Variants in LRFN5 observed in about 807,000 individuals in gnomAD.
LRFN5 encodes the protein leucine-rich repeat and fibronectin type-III domain-containing protein 5.
Under a neutral mutation model 45.6 loss-of-function variants are expected in LRFN5, and 24 were observed. That is an observed-to-expected ratio of 0.53 (90% CI 0.38 to 0.74). The LOEUF (loss-of-function observed/expected upper bound fraction) is 0.74, where lower values mean the gene tolerates loss of function less well. LRFN5 is among the 30% of genes least tolerant of loss of function. The probability of loss-of-function intolerance (pLI) is 0.00; values close to 1 mark genes in which losing one functional copy is unlikely to be tolerated. For missense variants in LRFN5, 776 were observed against 861.5 expected, an observed-to-expected ratio of 0.90 and a Z score of 1.24; for synonymous variants, 340 against 313.8, an observed-to-expected ratio of 1.08 and a Z score of -0.88.
In LRFN5 at chr14:41,616,460, C is replaced by G. The variant is rs145051480; in HGVS notation, c.-197+7898C>G. 5.3e-3 allele frequency among the ~76,000 whole-genome samples: 800 copies of G among 152,190 alleles called. 7 individuals are homozygous for G. The highest frequency in any genetic ancestry group is 0.019 in the African/African-American group (775 of 41,550). On this transcript the variant is annotated intron_variant, in intron 1 of 5. Coordinates refer to ENST00000298119, the MANE Select transcript of LRFN5 (RefSeq NM_152447.5). The stretch of plus-strand genomic sequence containing the variant: ...GTCCTTAATCAGTCTTGATGACATT[C>G]TCACACCTTTTCCTCTAGATGCCAT...
In LRFN5 at chr14:41,887,081, G is replaced by A. The variant is rs752050689; in HGVS notation, c.456G>A (p.Leu152=). The part of the protein sequence containing the change: ...AFDDVFALEE[L]DLSYNNLETI... ...ATGATGTCTTCGCCCTTGAGGAGCT[G>A]GATCTGTCCTATAATAATCTAGAAA... The change falls in exon 3 of 6, where the codon CTG becomes CTA. Residue 152 remains leucine, a synonymous_variant. Coordinates refer to ENST00000298119, the MANE Select transcript of LRFN5 (RefSeq NM_152447.5). The surrounding 1 kb of genome is among the most constrained non-coding windows in gnomAD (Gnocchi z 4.8). 4.3e-6 allele frequency: 7 copies of A among 1,613,838 alleles called. No individual in the cohort carries two copies. The Admixed American group carries it at 8.3e-5, about 19-fold the overall frequency.
chr14:41,714,580 A>G (rs8016327), intron 1 of LRFN5, among the ~76,000 whole-genome samples: 120,265 of 152,050 alleles, frequency 0.79, 48,283 homozygotes, highest in East Asian at 0.97. Context: ...ATGTGTGGAG[A>G]ACATTGGTAT....
chr14:41,610,475 A>C (rs1379106890), intron 1 of LRFN5, among the ~76,000 whole-genome samples: 1 of 151,616 alleles, frequency 6.6e-6, no homozygotes, highest in Non-Finnish European at 1.5e-5. Flanking sequence ...TAGTTGAAAC[A>C]CCTCTGTAAA....
At chr14:41,641,420 C>T (rs1161567692) in intron 1 of LRFN5, among the ~76,000 whole-genome samples, 4 of 151,958 alleles carry the variant, frequency 2.6e-5, no homozygotes, top group African/African-American at 9.7e-5. Flanking sequence ...GATGGGAAGA[C>T]TAACATTTTG....
intron 1 of LRFN5, among the ~76,000 whole-genome samples, chr14:41,649,792 C>G (rs1217251486): frequency 6.6e-6 from 1 of 152,188 alleles, no homozygotes; most frequent in Non-Finnish European, 1.5e-5. Flanking sequence ...CTGAACTCCA[C>G]ACTGCTCTTT....
chr14:41,821,414 A>G (rs11848269), intron 2 of LRFN5, among the ~76,000 whole-genome samples: 6,422 of 151,918 alleles, frequency 0.042, 452 homozygotes, highest in African/African-American at 0.15. Context: ...GCTTGTTTTT[A>G]ATTATGTTTA....
chr14:41,789,347 G>A (rs1886837545), intron 2 of LRFN5, among the ~76,000 whole-genome samples: 1 of 151,910 alleles, frequency 6.6e-6, no homozygotes, highest in African/African-American at 2.4e-5. Flanking sequence ...TAATATTTTA[G>A]TAGATTAGAT....
At chr14:41,895,745 G>T (rs1362832075) in intron 4 of LRFN5, among the ~76,000 whole-genome samples, 1 of 151,560 alleles carries the variant, frequency 6.6e-6, no homozygotes, top group Non-Finnish European at 1.5e-5. Flanking sequence ...GTCAGTGGGG[G>T]TCTCTGTAAG....
At chr14:41,721,668 T>C (rs1883718878) in intron 1 of LRFN5, among the ~76,000 whole-genome samples, 1 of 152,204 alleles carries the variant, frequency 6.6e-6, no homozygotes, top group African/African-American at 2.4e-5. Flanking sequence ...TTAATTTCTT[T>C]TCTTTAAGAA....
At chr14:41,815,289 A>G (rs996305333) in intron 2 of LRFN5, among the ~76,000 whole-genome samples, 3 of 152,146 alleles carry the variant, frequency 2.0e-5, no homozygotes, top group African/African-American at 7.2e-5. Flanking sequence ...ATTATTGTGT[A>G]ATGCCCCTCT....
At chr14:41,804,994 G>C (rs1378933923) in intron 2 of LRFN5, among the ~76,000 whole-genome samples, 2 of 151,992 alleles carry the variant, frequency 1.3e-5, no homozygotes, top group African/African-American at 4.8e-5. Context: ...TAGGCCATTA[G>C]TGATGGTAAT....
chr14:41,711,515 T>C (rs1168309266), intron 1 of LRFN5, among the ~76,000 whole-genome samples: 2 of 152,320 alleles, frequency 1.3e-5, no homozygotes, highest in South Asian at 4.1e-4. Context: ...TGTATATATC[T>C]CCTGAGAATT....
Position 41,770,170 on chromosome 14 carries a change from T to C in LRFN5, c.-21+3141T>C, listed in dbSNP as rs1594692941. Among the ~76,000 whole-genome samples the C allele has an allele frequency of 3.9e-5, 6 of 152,290 alleles. No individual in the cohort carries two copies. In the South Asian group the frequency reaches 1.2e-3, roughly 32 times the overall value. On this transcript the variant is annotated intron_variant, in intron 2 of 5. Coordinates refer to ENST00000298119, the MANE Select transcript of LRFN5 (RefSeq NM_152447.5). The stretch of plus-strand genomic sequence containing the variant: ...GAATTTACTCATCACCAAGGAGCCA[T>C]TCATGAGGTATCTATCCCCATGATC...
chr14:41,755,618 G>C (rs1457970251), intron 1 of LRFN5, among the ~76,000 whole-genome samples: 4 of 151,974 alleles, frequency 2.6e-5, no homozygotes, highest in Non-Finnish European at 5.9e-5. Context: ...CATTTGCTTG[G>C]TAGATCTTCC....
At chr14:41,847,899 C>T (rs1314711759) in intron 2 of LRFN5, among the ~76,000 whole-genome samples, 1 of 151,166 alleles carries the variant, frequency 6.6e-6, no homozygotes, top group East Asian at 1.9e-4. Flanking sequence ...AAGTTTCAAA[C>T]ACTTTCTCAA....
At chr14:41,688,946 G>A (rs1173704136) in intron 1 of LRFN5, among the ~76,000 whole-genome samples, 1 of 150,944 alleles carries the variant, frequency 6.6e-6, no homozygotes, top group African/African-American at 2.4e-5. Flanking sequence ...GAAAAAAGCT[G>A]GGTGTTGGGG....
At chr14:41,815,659 A>G (rs1887892033) in intron 2 of LRFN5, among the ~76,000 whole-genome samples, 1 of 152,110 alleles carries the variant, frequency 6.6e-6, no homozygotes, top group Non-Finnish European at 1.5e-5. Context: ...GATCCCTTGA[A>G]TGCAAGAGAT....
At chr14:41,870,623 C>T (rs1449091787) in intron 2 of LRFN5, among the ~76,000 whole-genome samples, 5 of 152,158 alleles carry the variant, frequency 3.3e-5, no homozygotes, top group African/African-American at 9.7e-5. Flanking sequence ...CAACACATGG[C>T]AATTATTACA....
chr14:41,786,908 A>G (rs182000406), intron 2 of LRFN5, among the ~76,000 whole-genome samples: 274 of 151,238 alleles, frequency 1.8e-3, no homozygotes, highest in Non-Finnish European at 3.3e-3. Flanking sequence ...TACTGTGTCT[A>G]CTCTGCTATG....
Sources: allele counts gnomAD v4.1 joint callset (sites outside exome capture counted in the v4.1 genomes callset), GRCh38; gene constraint gnomAD v4.1.1; non-coding constraint Gnocchi (gnomAD v3.1); transcripts MANE v1.5; gene names NCBI Gene and HGNC (gene_info 2026-07-23, HGNC 2026-07-21).